The following ALPL variants were observed in gnomAD, a reference collection of about 807,000 sequenced individuals.
ALPL encodes the protein alkaline phosphatase, biomineralization associated, also known as alkaline phosphatase, tissue-nonspecific isozyme.
In ALPL, 42 loss-of-function variants were observed where a neutral mutation model predicts 51.3. The observed-to-expected ratio is 0.82, with a 90% CI of 0.64 to 1.06. ALPL has a LOEUF of 1.06. Among genes scored for constraint, ALPL ranks in the 50% least tolerant of loss-of-function variants. The pLI, the probability that ALPL is intolerant of heterozygous loss-of-function variation, is 0.00. For synonymous variants in ALPL, 279 were observed against 296.4 expected, an observed-to-expected ratio of 0.94 and a Z score of 0.60; for missense variants, 589 against 709.4, an observed-to-expected ratio of 0.83 and a Z score of 1.93.
chr1:21,577,730 G>T lies in ALPL; in HGVS notation c.*82G>T. On this transcript the variant is annotated 3_prime_UTR_variant, in exon 12 of 12. Transcript: ENST00000374840. ...AGCCCCCCCCTCAAGGGGCAGGGAG[G>T]TGGGGGCCTCCTCAGCCTCTGCAAC... 6.6e-7 allele frequency: 1 copy of T among 1,516,884 alleles called. No individual in the cohort carries two copies. Among genetic ancestry groups the T allele is most frequent in the Non-Finnish European group, 8.8e-7 (1 of 1,131,910 alleles). 94.0% of individuals were successfully genotyped at this position (1,516,884 alleles called of 1,614,324 possible). A position where few individuals can be genotyped will look rare whatever the true frequency, so the allele number is the denominator to read the frequency against.
intron 6 of ALPL, among the ~76,000 whole-genome samples, chr1:21,565,967 G>A (rs72874295): frequency 0.05 from 7,648 of 152,228 alleles, 528 homozygotes; most frequent in African/African-American, 0.16. Flanking sequence ...GAGGCTCCCT[G>A]CAGGAAGATT....
intron 1 of ALPL, among the ~76,000 whole-genome samples, chr1:21,543,639 C>A (rs923568432): frequency 6.6e-6 from 1 of 152,172 alleles, no homozygotes; most frequent in Non-Finnish European, 1.5e-5. Flanking sequence ...CCTTCATGCA[C>A]CGCCTAGTCA....
chr1:21,554,020 C>T lies in ALPL; in HGVS notation c.-62C>T. 1 of 1,053,210 alleles carries T rather than the reference C, an allele frequency of 9.5e-7. No individual in the cohort carries two copies. Among genetic ancestry groups the T allele is most frequent in the South Asian group, 1.2e-5 (1 of 80,294 alleles). 65.2% of individuals were successfully genotyped at this position (1,053,210 alleles called of 1,614,324 possible). A position where few individuals can be genotyped will look rare whatever the true frequency, so the allele number is the denominator to read the frequency against. On this transcript the variant is annotated 5_prime_UTR_variant, in exon 2 of 12. Transcript: ENST00000374840. Reference sequence around the variant, plus strand: ...ACATCTGACCACTGCCAGCCCACCCCCTCCCACCCACGTCGATTGCATCTC... The same window carrying T: ...ACATCTGACCACTGCCAGCCCACCCTCTCCCACCCACGTCGATTGCATCTC...
intron 1 of ALPL, among the ~76,000 whole-genome samples, chr1:21,550,205 A>G (rs1325338952): frequency 1.3e-5 from 2 of 152,132 alleles, no homozygotes; most frequent in Non-Finnish European, 2.9e-5. Flanking sequence ...ACATAAATCT[A>G]TCCATGTGTC....
chr1:21,563,639 G>C (rs1040213082), intron 5 of ALPL, among the ~76,000 whole-genome samples: 2 of 152,204 alleles, frequency 1.3e-5, no homozygotes, highest in Non-Finnish European at 2.9e-5. Flanking sequence ...TCCCTCCTCA[G>C]AATTGGGAGG....
At chr1:21,523,544 G>C (rs1643905119) in intron 1 of ALPL, among the ~76,000 whole-genome samples, 1 of 152,156 alleles carries the variant, frequency 6.6e-6, no homozygotes, top group Non-Finnish European at 1.5e-5. Flanking sequence ...GGGGCGGAGG[G>C]GAGTATCCCC....
At chr1:21,571,837 T>A (rs571476510) in intron 8 of ALPL, among the ~76,000 whole-genome samples, 25 of 150,380 alleles carry the variant, frequency 1.7e-4, no homozygotes, top group South Asian at 6.4e-4. Context: ...AAAAATTTTT[T>A]AAAAACTGGC....
chr1:21,577,790 C>T lies in ALPL; in HGVS notation c.*142C>T, dbSNP rs545776624. On this transcript the variant is annotated 3_prime_UTR_variant, in exon 12 of 12. Transcript: ENST00000374840. ...GGGGACCCAAGAAACCAAAGTCTGCCGCCCACCTCGCTCCCCTCTGGAATC... is the reference window on the plus strand; with the variant it reads ...GGGGACCCAAGAAACCAAAGTCTGCTGCCCACCTCGCTCCCCTCTGGAATC... 1.2e-4 allele frequency: 132 copies of T among 1,104,552 alleles called. No homozygotes were observed. The highest frequency in any genetic ancestry group is 9.9e-4 in the African/African-American group (63 of 63,626). The allele number at this position is 1,104,552 out of a possible 1,614,324, so 68.4% of individuals were successfully genotyped here. A position where few individuals can be genotyped will look rare whatever the true frequency, so the allele number is the denominator to read the frequency against.
chr1:21,528,001 GT>G (rs35639476), intron 1 of ALPL, among the ~76,000 whole-genome samples: 144 of 105,712 alleles, frequency 1.4e-3, no homozygotes, highest in African/African-American at 5.6e-3. Context: ...GTGTGTACGT[GT>G]TTTTTTTTTT....
intron 4 of ALPL, among the ~76,000 whole-genome samples, chr1:21,562,011 G>A (rs1264042029): frequency 2.6e-5 from 4 of 152,034 alleles, no homozygotes; most frequent in Non-Finnish European, 2.9e-5. Context: ...ATTCTTTCCC[G>A]AGGCAGTTCG....
rs375342528 is a variant in ALPL at position 21,560,642 on chromosome 1, C to T, written c.78C>T (p.Pro26=). 3.1e-6 allele frequency: 5 copies of T among 1,613,978 alleles called. No homozygotes were observed. The African/African-American group carries it at 6.7e-5, about 22-fold the overall frequency. The change falls in exon 3 of 12, where the codon CCC becomes CCT. Residue 26 remains proline (P), a synonymous_variant. Coordinates refer to ENST00000374840, the MANE Select transcript of ALPL (RefSeq NM_000478.6). The part of the protein sequence containing the change: ...NSLVPEKEKD[P]KYWRDQAQET... ...TGTGTTTAGAGAAAGAGAAAGACCCCAAGTACTGGCGAGACCAAGCGCAAG... is the reference window on the plus strand; with the variant it reads ...TGTGTTTAGAGAAAGAGAAAGACCCTAAGTACTGGCGAGACCAAGCGCAAG...
chr1:21,537,881 G>A (rs1033097169), intron 1 of ALPL, among the ~76,000 whole-genome samples: 1 of 152,164 alleles, frequency 6.6e-6, no homozygotes, highest in African/African-American at 2.4e-5. Context: ...AAAAGCCCCC[G>A]GCGCGTAGTA....
intron 1 of ALPL, among the ~76,000 whole-genome samples, chr1:21,542,591 C>T (rs898202045): frequency 2.6e-5 from 4 of 152,130 alleles, no homozygotes; most frequent in South Asian, 2.1e-4. Flanking sequence ...CCTGTAATCC[C>T]GGTGCTTTGG....
intron 1 of ALPL, among the ~76,000 whole-genome samples, chr1:21,536,507 A>G (rs1256345): frequency 6.6e-6 from 1 of 152,114 alleles, no homozygotes; most frequent in African/African-American, 2.4e-5. Flanking sequence ...GCATGGCTGC[A>G]TCTAGGAGCC....
intron 1 of ALPL, among the ~76,000 whole-genome samples, chr1:21,514,605 G>A (rs1643757928): frequency 6.6e-6 from 1 of 151,972 alleles, no homozygotes; most frequent in Non-Finnish European, 1.5e-5. Flanking sequence ...TTACATGCGG[G>A]GGGCTCTGGA....
intron 3 of ALPL, 81 bp downstream of exon 3, chr1:21,560,826 C>G (rs530319283): frequency 6.4e-7 from 1 of 1,573,958 alleles, no homozygotes; most frequent in East Asian, 2.3e-5. Context: ...TTGAAGGGGG[C>G]TGTGTTGAAG....
At chr1:21,516,682 C>T (rs1054748439) in intron 1 of ALPL, among the ~76,000 whole-genome samples, 1 of 152,192 alleles carries the variant, frequency 6.6e-6, no homozygotes, top group Non-Finnish European at 1.5e-5. Context: ...AGAGTCAGTT[C>T]CCTATTTATC....
chr1:21,564,286 C>G lies in ALPL; in HGVS notation c.648+70C>G. On this transcript the variant is annotated intron_variant, in intron 6 of 11. Transcript: ENST00000374840. This position sits in a 1 kb window ranked among gnomAD's most constrained non-coding sequence, Gnocchi z 5.8. Reference sequence around the variant, plus strand: ...CCTCTGGTGGGCAGGAGGCCTCAGGCCCAGGCTGGCCCGGAGAAAGCAGCC... The same window carrying G: ...CCTCTGGTGGGCAGGAGGCCTCAGGGCCAGGCTGGCCCGGAGAAAGCAGCC... The G allele has an allele frequency of 6.3e-7, 1 of 1,580,228 alleles. No individual in the cohort carries two copies. Among genetic ancestry groups the G allele is most frequent in the Non-Finnish European group, 8.6e-7 (1 of 1,160,208 alleles).
chr1:21,526,831 T>G (rs888119123), intron 1 of ALPL, among the ~76,000 whole-genome samples: 1 of 152,162 alleles, frequency 6.6e-6, no homozygotes, highest in Non-Finnish European at 1.5e-5. Flanking sequence ...CTTTAAAAAA[T>G]TATCTGTGGC....
Sources: gnomAD v4.1 joint callset for allele counts (sites outside exome capture counted in the v4.1 genomes callset) on GRCh38, gnomAD v4.1.1 for gene constraint, Gnocchi (gnomAD v3.1) non-coding constraint, MANE v1.5 for transcripts, NCBI Gene and HGNC (gene_info 2026-07-23, HGNC 2026-07-21) for gene names.